Variants in ANO2 observed in about 807,000 individuals in gnomAD.
ANO2 encodes the protein anoctamin 2.
ANO2 carries 101 observed loss-of-function variants against 124.2 expected under a neutral mutation model. That is an observed-to-expected ratio of 0.81 (90% CI 0.69 to 0.96). ANO2 has a LOEUF of 0.96. Ranked by LOEUF, ANO2 falls within the 40% of genes least tolerant of loss-of-function variation. ANO2 has a pLI of 0.00. For missense variants in ANO2, 1,293 were observed against 1,274.5 expected (o/e 1.01, Z -0.22); for synonymous variants, 486 against 482.5 (o/e 1.01, Z -0.09).
At chr12:5,861,867 C>A (rs539955882) in intron 3 of ANO2, among the ~76,000 whole-genome samples, 1 of 152,184 alleles carries the variant, frequency 6.6e-6, no homozygotes, top group African/African-American at 2.4e-5. Flanking sequence ...GAGATGGTGG[C>A]CAGGGCAGCC....
chr12:5,920,264 A>G (rs1298057221), intron 3 of ANO2, among the ~76,000 whole-genome samples: 1 of 152,150 alleles, frequency 6.6e-6, no homozygotes, highest in Non-Finnish European at 1.5e-5. Flanking sequence ...ATACATCTCA[A>G]ATCAGCTCCC....
chr12:5,772,073 CT>C (rs1952099152), intron 10 of ANO2, among the ~76,000 whole-genome samples: 1 of 151,982 alleles, frequency 6.6e-6, no homozygotes, highest in Admixed American at 6.6e-5. Flanking sequence ...TATTGCTTTA[CT>C]TTTTACCCAC....
intron 3 of ANO2, among the ~76,000 whole-genome samples, chr12:5,872,622 C>T (rs765484696): frequency 2.6e-5 from 4 of 152,122 alleles, no homozygotes; most frequent in Non-Finnish European, 4.4e-5. Context: ...TTAATAGTAT[C>T]GAAAATTACA....
At chr12:5,790,190 G>T (rs1591620244) in intron 10 of ANO2, among the ~76,000 whole-genome samples, 1 of 152,328 alleles carries the variant, frequency 6.6e-6, no homozygotes, top group East Asian at 1.9e-4. Flanking sequence ...CAACAGATCT[G>T]CAGGGGCTGA....
intron 7 of ANO2, among the ~76,000 whole-genome samples, chr12:5,810,119 C>T (rs976152656): frequency 6.6e-6 from 1 of 152,274 alleles, no homozygotes; most frequent in South Asian, 2.1e-4. Context: ...TTTCTCTGTT[C>T]CCTCTAGCTG....
chr12:5,928,359 G>C (rs899178248), intron 1 of ANO2, among the ~76,000 whole-genome samples: 2 of 152,164 alleles, frequency 1.3e-5, no homozygotes, highest in African/African-American at 4.8e-5. Flanking sequence ...GTGGGAGACA[G>C]AGCATCCGCA....
chr12:5,711,014 C>T (rs1392513332), intron 14 of ANO2, among the ~76,000 whole-genome samples: 5 of 152,018 alleles, frequency 3.3e-5, no homozygotes, highest in South Asian at 2.1e-4. Flanking sequence ...AAAAATTAGC[C>T]GGGCGTGGTG....
At position 5,900,361 on chromosome 12, in the gene ANO2, G is replaced by A. The variant is rs777881453; in HGVS notation, c.534+20679C>T. ...CCGTTTCTGAGCCCCTCCTAGTCAC[G>A]AGAGATTTCACTTTCCATGCCCAGT... is the stretch of plus-strand genomic sequence containing the variant. On this transcript the variant is annotated intron_variant, in intron 3 of 24. Transcript: ENST00000682330. The surrounding 1 kb of genome is among the most constrained non-coding windows in gnomAD (Gnocchi z 4.2). 4.6e-5 allele frequency among the ~76,000 whole-genome samples: 7 copies of A among 152,156 alleles called. No homozygotes were observed. The highest frequency in any genetic ancestry group is 7.3e-5 in the Non-Finnish European group (5 of 68,036).
chr12:5,706,713 AG>A (rs988007982), intron 14 of ANO2, among the ~76,000 whole-genome samples: 2 of 152,232 alleles, frequency 1.3e-5, no homozygotes, highest in African/African-American at 4.8e-5. Context: ...CCTTGAGAAT[AG>A]GCACTTGGCT....
rs571739668 is a variant in ANO2, at chr12:5,705,121, C to T, written c.1545+27399G>A. Among the ~76,000 whole-genome samples, 44 of 152,214 alleles carry T rather than the reference C, an allele frequency of 2.9e-4. 1 individual carries two copies. Among genetic ancestry groups the T allele is most frequent in the South Asian group, 1.0e-3 (5 of 4,804 alleles). On this transcript the variant is annotated intron_variant, in intron 14 of 24. Coordinates refer to ENST00000682330, the MANE Select transcript of ANO2 (RefSeq NM_001364791.2). ...TGATAATTTATGAAGACCGCTTAGT[C>T]GGCATATAGGATATGTTTTATGGGG...
intron 10 of ANO2, among the ~76,000 whole-genome samples, chr12:5,776,395 C>A (rs1293763258): frequency 6.6e-6 from 1 of 152,220 alleles, no homozygotes; most frequent in Non-Finnish European, 1.5e-5. Context: ...GTCTACTTGG[C>A]TTCATTGAAA....
rs187517688 is a variant in ANO2 at position 5,929,062 on chromosome 12, C to T, written c.23-6258G>A. Among the ~76,000 whole-genome samples, 298 of 57,192 alleles carry T rather than the reference C, an allele frequency of 5.2e-3. 76 individuals carry two copies. The highest frequency in any genetic ancestry group is 8.9e-3 in the Middle Eastern group (1 of 112). The allele number at this position is 57,192 out of a possible 152,430, so 37.5% of individuals were successfully genotyped here. Reference sequence around the variant, plus strand: ...CTATCTTCTTTCCTTACTCGTCTACCTTCTTTCCTCATTAGTCACTTTCTT... The same window carrying T: ...CTATCTTCTTTCCTTACTCGTCTACTTTCTTTCCTCATTAGTCACTTTCTT... On this transcript the variant is annotated intron_variant, in intron 1 of 24. Coordinates refer to ENST00000682330, the MANE Select transcript of ANO2 (RefSeq NM_001364791.2).
chr12:5,609,176 T>G (rs902736229), intron 19 of ANO2: 1 of 152,210 alleles, frequency 6.6e-6, no homozygotes, highest in Non-Finnish European at 1.5e-5. Context: ...AAGCATCATC[T>G]AGCTTTGCTT....
At chr12:5,590,323 A>G (rs545555776) in intron 20 of ANO2, among the ~76,000 whole-genome samples, 355 of 152,304 alleles carry the variant, frequency 2.3e-3, no homozygotes, top group African/African-American at 8.3e-3. Context: ...TGGACACCCC[A>G]GCTCTAGAGG....
intron 7 of ANO2, among the ~76,000 whole-genome samples, chr12:5,821,774 T>A (rs754921348): frequency 1.3e-5 from 2 of 152,210 alleles, no homozygotes; most frequent in African/African-American, 2.4e-5. Flanking sequence ...TTCTGACCCA[T>A]CTAACCATAA....
intron 13 of ANO2, among the ~76,000 whole-genome samples, chr12:5,738,438 C>A (rs1385474089): frequency 1.3e-5 from 2 of 152,176 alleles, no homozygotes; most frequent in African/African-American, 2.4e-5. Flanking sequence ...TGCCTCCTGG[C>A]CCTTCTAGAC....
chr12:5,756,957 T>C (rs1373115388), intron 10 of ANO2, among the ~76,000 whole-genome samples: 4 of 152,174 alleles, frequency 2.6e-5, no homozygotes, highest in Admixed American at 6.5e-5. Context: ...ATGGGCAGAG[T>C]TCCTTATGAG....
intron 15 of ANO2, among the ~76,000 whole-genome samples, chr12:5,642,854 T>C (rs1209547062): frequency 6.6e-6 from 1 of 152,194 alleles, no homozygotes; most frequent in East Asian, 1.9e-4. Flanking sequence ...TCCCTCCTGA[T>C]GCCAGGCATT....
intron 20 of ANO2, among the ~76,000 whole-genome samples, chr12:5,598,432 T>A (rs1943768789): frequency 6.6e-6 from 1 of 152,138 alleles, no homozygotes; most frequent in Non-Finnish European, 1.5e-5. Flanking sequence ...CTCAGCTCAG[T>A]GCAAGCTGTG....
Sources: allele counts gnomAD v4.1 joint callset (sites outside exome capture counted in the v4.1 genomes callset), GRCh38; gene constraint gnomAD v4.1.1; non-coding constraint Gnocchi (gnomAD v3.1); transcripts MANE v1.5; gene names NCBI Gene and HGNC (gene_info 2026-07-23, HGNC 2026-07-21).